The following RMST variants were observed in gnomAD, a reference collection of about 807,000 sequenced individuals.
RMST encodes the protein rhabdomyosarcoma 2 associated transcript, also known as long intergenic non-protein coding RNA 54.
At chr12:97,560,590 A>C (rs1382295704) in exon 12 of RMST, 1 of 152,136 alleles carries the variant, frequency 6.6e-6, no homozygotes, top group East Asian at 1.9e-4. Context: ...GGGTTATCTC[A>C]CAACCTCAGA....
At chr12:97,469,103 G>A (rs1277509016) in intron 5 of RMST, among the ~76,000 whole-genome samples, 1 of 150,496 alleles carries the variant, frequency 6.6e-6, no homozygotes, top group Non-Finnish European at 1.5e-5. Context: ...TACCAATTTA[G>A]TAAAAGGGGA....
chr12:97,498,353 G>C (rs1428540691), intron 10 of RMST, among the ~76,000 whole-genome samples: 2 of 152,068 alleles, frequency 1.3e-5, no homozygotes, highest in East Asian at 3.9e-4. Context: ...TCGCATTTCT[G>C]CTCTACCACT....
chr12:97,489,174 A>G (rs569218673), intron 5 of RMST, among the ~76,000 whole-genome samples: 2 of 152,278 alleles, frequency 1.3e-5, no homozygotes, highest in East Asian at 3.9e-4. Flanking sequence ...GGCCAGGCAC[A>G]ATGGCTCACA....
chr12:97,561,494 T>G (rs1309005920), intron 13 of RMST, among the ~76,000 whole-genome samples: 1 of 152,110 alleles, frequency 6.6e-6, no homozygotes, highest in Non-Finnish European at 1.5e-5. Context: ...TGATTAATGG[T>G]GAATCTGAAT....
chr12:97,478,753 C>T (rs959886770), intron 5 of RMST, among the ~76,000 whole-genome samples: 46 of 152,134 alleles, frequency 3.0e-4, no homozygotes, highest in Admixed American at 2.7e-3. Flanking sequence ...TTTTAGTGAA[C>T]ACTAATTATT....
At chr12:97,504,336 A>G (rs919027417) in intron 10 of RMST, among the ~76,000 whole-genome samples, 5 of 150,722 alleles carry the variant, frequency 3.3e-5, no homozygotes, top group African/African-American at 1.2e-4. Flanking sequence ...CCTGGGAGGC[A>G]GAGGTTGCAG....
chr12:97,527,750 T>G (rs569816701), intron 10 of RMST, among the ~76,000 whole-genome samples: 3 of 152,274 alleles, frequency 2.0e-5, no homozygotes, highest in African/African-American at 7.2e-5. Context: ...ATATCTATTG[T>G]TTTATTATTA....
At chr12:97,474,244 A>T (rs1874260494) in intron 5 of RMST, among the ~76,000 whole-genome samples, 1 of 152,008 alleles carries the variant, frequency 6.6e-6, no homozygotes, top group South Asian at 2.1e-4. Flanking sequence ...GGATGCGGCC[A>T]CTCTCAATTC....
At chr12:97,551,170 T>TA (rs1592790441) in intron 11 of RMST, among the ~76,000 whole-genome samples, 1 of 142,570 alleles carries the variant, frequency 7.0e-6, no homozygotes, top group East Asian at 2.1e-4. Flanking sequence ...TTCATTGTTT[T>TA]TAAAAAAAAA....
intron 10 of RMST, among the ~76,000 whole-genome samples, chr12:97,513,655 A>G (rs1426857029): frequency 6.6e-6 from 1 of 152,238 alleles, no homozygotes. Flanking sequence ...TTCCAACTAC[A>G]GTAAATTAGA....
intron 11 of RMST, among the ~76,000 whole-genome samples, chr12:97,544,631 A>G (rs1882800234): frequency 6.6e-6 from 1 of 152,110 alleles, no homozygotes; most frequent in Non-Finnish European, 1.5e-5. Flanking sequence ...TTCATTACCT[A>G]TCAATTTCCT....
chr12:97,505,853 C>T (rs1592698316), intron 10 of RMST, among the ~76,000 whole-genome samples: 2 of 152,136 alleles, frequency 1.3e-5, no homozygotes, highest in African/African-American at 4.8e-5. Flanking sequence ...TCAATTTGTA[C>T]ATTTTCAGAT....
chr12:97,505,402 C>T (rs1016107837), intron 10 of RMST, among the ~76,000 whole-genome samples: 1 of 152,184 alleles, frequency 6.6e-6, no homozygotes, highest in Non-Finnish European at 1.5e-5. Flanking sequence ...GTTTAGATCT[C>T]TTGCATGGTA....
chr12:97,473,652 A>G (rs1257715774), intron 5 of RMST, among the ~76,000 whole-genome samples: 1 of 152,138 alleles, frequency 6.6e-6, no homozygotes, highest in Non-Finnish European at 1.5e-5. Context: ...GAAATATTAT[A>G]CCATTTACCC....
chr12:97,475,401 T>G (rs369583038), intron 5 of RMST, among the ~76,000 whole-genome samples: 57 of 152,282 alleles, frequency 3.7e-4, no homozygotes, highest in African/African-American at 1.3e-3. Flanking sequence ...CTTGGGGCTG[T>G]AAGAGAAGCA....
chr12:97,519,735 A>G (rs905875140), intron 10 of RMST, among the ~76,000 whole-genome samples: 4 of 152,212 alleles, frequency 2.6e-5, no homozygotes, highest in African/African-American at 9.7e-5. Context: ...CATTTCTCAC[A>G]GGCACAGAAT....
rs141286914 is a variant in RMST, at chr12:97,473,097, C to T, written n.644+7370C>T. ...AGTGTGAAGGGAAAAGCTATTTCTG[C>T]ACAGGTAGGAAGCAGTATTAACAAT... On this transcript the variant is annotated intron_variant and non_coding_transcript_variant, in intron 5 of 13. Coordinates refer to ENST00000640149, the Ensembl canonical transcript of RMST. Among the ~76,000 whole-genome samples the T allele has an allele frequency of 6.6e-5, 10 of 152,154 alleles. No individual in the cohort carries two copies. In the East Asian group the frequency reaches 1.7e-3, roughly 26 times the overall value.
intron 10 of RMST, among the ~76,000 whole-genome samples, chr12:97,504,427 A>G (rs1262633689): frequency 2.0e-5 from 3 of 150,190 alleles, no homozygotes; most frequent in Non-Finnish European, 4.4e-5. Context: ...AAAAAAAAGA[A>G]TGCACAGATG....
intron 5 of RMST, among the ~76,000 whole-genome samples, chr12:97,483,669 C>T (rs1875731285): frequency 6.6e-6 from 1 of 152,108 alleles, no homozygotes. Context: ...TTAAAAAATA[C>T]TTGTAAAAAT....
Sources: gnomAD v4.1 joint callset for allele counts (sites outside exome capture counted in the v4.1 genomes callset) on GRCh38, gnomAD v4.1.1 for gene constraint, MANE v1.5 for transcripts, NCBI Gene and HGNC (gene_info 2026-07-23, HGNC 2026-07-21) for gene names.